Variants in ZNF606 observed in about 807,000 individuals in gnomAD.
ZNF606 encodes the protein zinc finger protein 328.
A neutral mutation model predicts 74.9 loss-of-function variants in ZNF606; 37 were observed. The observed-to-expected ratio is 0.49, with a 90% CI of 0.38 to 0.65. ZNF606 has a LOEUF of 0.65. Ranked by LOEUF, ZNF606 falls within the 30% of genes least tolerant of loss-of-function variation. The pLI, the probability that ZNF606 is intolerant of heterozygous loss-of-function variation, is 0.00. For missense variants in ZNF606, 852 were observed against 952.9 expected (o/e 0.89, Z 1.39); for synonymous variants, 328 against 312.4 (o/e 1.05, Z -0.53).
chr19:58,002,441 C>G lies in ZNF606; in HGVS notation c.-97G>C, dbSNP rs755642267. On this transcript the variant is annotated 5_prime_UTR_variant, in exon 1 of 7. Transcript: ENST00000551380. Reference sequence around the variant, plus strand: ...CCCCTTGAAGGCGGCGCAGCAGGATCGGGGTCTGCCCGCCTGGGGCGTTTG... The same window carrying G: ...CCCCTTGAAGGCGGCGCAGCAGGATGGGGGTCTGCCCGCCTGGGGCGTTTG... The G allele has an allele frequency of 4.4e-6, 2 of 455,484 alleles. No homozygotes were observed. Among genetic ancestry groups the G allele is most frequent in the Non-Finnish European group, 8.8e-6 (2 of 226,278 alleles). 28.2% of individuals were successfully genotyped at this position (455,484 alleles called of 1,614,324 possible). A position where few individuals can be genotyped will look rare whatever the true frequency, so the allele number is the denominator to read the frequency against.
chr19:57,991,552 C>T (rs1006053283), intron 4 of ZNF606, among the ~76,000 whole-genome samples: 4 of 151,866 alleles, frequency 2.6e-5, no homozygotes, highest in African/African-American at 7.3e-5. Flanking sequence ...GCCTGTAATC[C>T]CAACACTTTG....
At chr19:58,000,048 G>A (rs1043495732) in intron 3 of ZNF606, 152 bp from the exon 4 acceptor site, 3 of 667,380 alleles carry the variant, frequency 4.5e-6, no homozygotes, top group East Asian at 5.5e-5. Context: ...TTAGGGCTCA[G>A]AGAAGGTTAG....
rs1477494865 is a variant in ZNF606, at chr19:57,988,267, A to G, written c.340T>C (p.Leu114=). The stretch of plus-strand genomic sequence containing the variant: ...GACCACGGCTCTTCTCCTTGCTCCA[A>G]CAGGGAGATGACCTCAGGCTTGGCA... The part of the protein sequence containing the change: ...QIAKPEVISL[L]EQGEEPWSVE... Residue 114 remains leucine, a synonymous_variant, in exon 6 of 7, where the codon TTG becomes CTG. Coordinates refer to ENST00000551380, the MANE Select transcript of ZNF606 (RefSeq NM_001348022.3). 1.2e-6 allele frequency: 2 copies of G among 1,614,124 alleles called. No individual in the cohort carries two copies. Among genetic ancestry groups the G allele is most frequent in the South Asian group, 2.2e-5 (2 of 91,082 alleles).
rs1442659356 is a variant in ZNF606 at position 58,002,632 on chromosome 19, G to C, written c.-288C>G. Reference sequence around the variant, plus strand: ...GCGGGAGGCCGGAGGCAGGCTGCTGGCTGGAGAACCGACGGCAACGACGGC... The same window carrying C: ...GCGGGAGGCCGGAGGCAGGCTGCTGCCTGGAGAACCGACGGCAACGACGGC... On this transcript the variant is annotated 5_prime_UTR_variant, in exon 1 of 7. Coordinates refer to ENST00000551380, the MANE Select transcript of ZNF606 (RefSeq NM_001348022.3). The C allele has an allele frequency of 4.4e-6, 2 of 453,122 alleles. No homozygotes were observed. The highest frequency in any genetic ancestry group is 4.7e-5 in the Admixed American group (2 of 42,160). 28.1% of individuals were successfully genotyped at this position (453,122 alleles called of 1,614,324 possible).
At chr19:57,995,942 G>C (rs1264542172) in intron 4 of ZNF606, among the ~76,000 whole-genome samples, 1 of 152,136 alleles carries the variant, frequency 6.6e-6, no homozygotes, top group Non-Finnish European at 1.5e-5. Context: ...AAGACAAAGA[G>C]TAAAAGAAGA....
At chr19:57,984,977 C>T (rs1568576155) in intron 6 of ZNF606, among the ~76,000 whole-genome samples, 1 of 152,054 alleles carries the variant, frequency 6.6e-6, no homozygotes, top group Non-Finnish European at 1.5e-5. Context: ...CGCCTGTAGT[C>T]CCACCTACTA....
rs76724061 is a variant in ZNF606 at position 58,002,072 on chromosome 19, T to G, written c.-52+324A>C. 842 of 426,080 alleles carry G rather than the reference T, an allele frequency of 2.0e-3. 6 individuals carry two copies. Among genetic ancestry groups the G allele is most frequent in the African/African-American group, 0.013 (662 of 49,686 alleles). 26.4% of individuals were successfully genotyped at this position (426,080 alleles called of 1,614,324 possible). A position where few individuals can be genotyped will look rare whatever the true frequency, so the allele number is the denominator to read the frequency against. On this transcript the variant is annotated intron_variant, in intron 1 of 6. Transcript: ENST00000551380. ...GTGTATAAAGCACTAGAACACACAG[T>G]GGGCCTCAGGAGCACCGGAATCAGC...
intron 3 of ZNF606, 51 bp downstream of exon 3, chr19:58,000,632 A>G: frequency 6.3e-7 from 1 of 1,597,340 alleles, no homozygotes; most frequent in Non-Finnish European, 8.6e-7. Flanking sequence ...AGAGCACTAC[A>G]GCCAGAGGCC....
At chr19:57,992,046 A>C (rs1358057147) in intron 4 of ZNF606, among the ~76,000 whole-genome samples, 1 of 152,296 alleles carries the variant, frequency 6.6e-6, no homozygotes, top group African/African-American at 2.4e-5. Flanking sequence ...TGGTAGACTA[A>C]GCCACAAATT....
chr19:57,997,244 G>GT (rs1318673357), intron 4 of ZNF606, among the ~76,000 whole-genome samples: 1 of 152,240 alleles, frequency 6.6e-6, no homozygotes, highest in Middle Eastern at 3.4e-3. Flanking sequence ...GCTGGTTGGG[G>GT]TTTTTTAGAT....
chr19:58,002,356 G>T (rs916146571), intron 1 of ZNF606, 40 bp downstream of exon 1: 1 of 456,726 alleles, frequency 2.2e-6, no homozygotes, highest in Admixed American at 2.3e-5. Context: ...CCTCAAGACC[G>T]ACGCGGCCGC....
intron 1 of ZNF606, 75 bp from the exon 2 acceptor site, chr19:58,001,445 C>A: frequency 5.0e-6 from 6 of 1,204,106 alleles, no homozygotes; most frequent in Non-Finnish European, 7.2e-6. Context: ...GAAGGGAATC[C>A]ATCCACCGAA....
rs1468691553 is a variant in ZNF606, at chr19:57,977,093, T to C, written c.*1208A>G. 6.6e-6 allele frequency: 1 copy of C among 152,182 alleles called. No individual in the cohort carries two copies. The highest frequency in any genetic ancestry group is 1.9e-4 in the East Asian group (1 of 5,196). The allele number at this position is 152,182 out of a possible 1,614,324, so 9.4% of individuals were successfully genotyped here. A position where few individuals can be genotyped will look rare whatever the true frequency, so the allele number is the denominator to read the frequency against. On this transcript the variant is annotated 3_prime_UTR_variant, in exon 7 of 7. Coordinates refer to ENST00000551380, the MANE Select transcript of ZNF606 (RefSeq NM_001348022.3). ...TAACTTTATTTCTCATTGTTTAGGA[T>C]TTTCTTTTTATTATCAAATCTCTGC...
chr19:58,001,212 GC>G, intron 2 of ZNF606, 76 bp downstream of exon 2: 5 of 1,557,862 alleles, frequency 3.2e-6, no homozygotes, highest in Non-Finnish European at 4.4e-6. Context: ...AAAGTCCTCA[GC>G]CCATCACCAG....
rs1383822357 is a variant in ZNF606 at position 57,979,802 on chromosome 19, T to C, written c.878A>G (p.Asp293Gly). The change falls in exon 7 of 7, where the codon GAT (aspartate) becomes GGT (glycine). Residue 293 changes from aspartate to glycine, a missense_variant. By Grantham distance (94) the Asp-to-Gly change is moderately conservative (BLOSUM62 -1). Transcript: ENST00000551380. ...TATATGATTGAAAGATTTAACAGCA[T>C]CAGTACATTTGAAAAGATTATCTCC... Reference protein sequence around the residue: ...QTGDNLFKCTDAVKSFNHIIH... With the variant: ...QTGDNLFKCTGAVKSFNHIIH... The C allele has an allele frequency of 3.1e-6, 5 of 1,613,378 alleles. No homozygotes were observed. The Admixed American group carries it at 6.7e-5, about 22-fold the overall frequency.
In ZNF606 at chr19:57,978,971, C is replaced by A; in HGVS notation, c.1709G>T (p.Cys570Phe). 1 of 1,614,158 alleles carries A rather than the reference C, an allele frequency of 6.2e-7. No homozygotes were observed. The highest frequency in any genetic ancestry group is 8.5e-7 in the Non-Finnish European group (1 of 1,180,036). ...RTHSGAKPYK[C>F]TECGKSFSWS... ...GCTGAAGGATTTTCCACATTCAGTA[C>A]ATTTATATGGTTTTGCTCCAGAATG... Residue 570 changes from cysteine to phenylalanine, a missense_variant, in exon 7 of 7, where the codon TGT (cysteine) becomes TTT (phenylalanine). Physicochemically the swap from Cys to Phe is radical, Grantham distance 205. Transcript: ENST00000551380. The surrounding 1 kb of genome is among the most constrained non-coding windows in gnomAD (Gnocchi z 4.4).
chr19:58,000,487 A>T (rs553464751), intron 3 of ZNF606, 196 bp downstream of exon 3: 1 of 665,302 alleles, frequency 1.5e-6, no homozygotes. Flanking sequence ...GGCCTCCCAA[A>T]GTGCTGTAGG....
At chr19:57,981,479 T>C (rs1488159349) in intron 6 of ZNF606, among the ~76,000 whole-genome samples, 2 of 152,206 alleles carry the variant, frequency 1.3e-5, no homozygotes, top group African/African-American at 2.4e-5. Flanking sequence ...AAGCCTTTCA[T>C]CTTAACAAAA....
intron 3 of ZNF606, 139 bp downstream of exon 3, chr19:58,000,544 C>T (rs954259450): frequency 7.4e-6 from 7 of 945,914 alleles, no homozygotes; most frequent in Non-Finnish European, 1.2e-5. Context: ...CCTCCTTGTT[C>T]CAGCTCTGCA....
Sources: gnomAD v4.1 joint callset for allele counts (sites outside exome capture counted in the v4.1 genomes callset) on GRCh38, gnomAD v4.1.1 for gene constraint, Gnocchi (gnomAD v3.1) non-coding constraint, MANE v1.5 for transcripts, NCBI Gene and HGNC (gene_info 2026-07-23, HGNC 2026-07-21) for gene names.